Variants in RBM18 observed in about 807,000 individuals in gnomAD.
RBM18 encodes RNA binding motif protein 18, also known as probable RNA-binding protein 18.
RBM18 carries 18 observed loss-of-function variants against 26.4 expected under a neutral mutation model. The ratio of observed to expected loss-of-function variants is 0.68; its 90% CI spans 0.47 to 1.01. The LOEUF is 1.01. Among genes scored for constraint, RBM18 ranks in the 50% least tolerant of loss-of-function variants. The pLI is 0.00. For missense variants in RBM18, 180 were observed against 219.2 expected (o/e 0.82, Z 1.13); for synonymous variants, 74 against 81.1 (o/e 0.91, Z 0.47).
rs1358422689 is a variant in RBM18 at position 122,246,288 on chromosome 9, A to G, written c.328-947T>C. Among the ~76,000 whole-genome samples the G allele has an allele frequency of 7.2e-5, 11 of 152,338 alleles. No individual in the cohort carries two copies. The East Asian group carries it at 2.1e-3, about 29-fold the overall frequency. The stretch of plus-strand genomic sequence containing the variant: ...CTCCCAAAGTGCTGGGATTACAGGC[A>G]TGAGCCACCATGCCTAGCCAGATAA... On this transcript the variant is annotated intron_variant, in intron 4 of 5. Coordinates refer to ENST00000417201, the MANE Select transcript of RBM18 (RefSeq NM_033117.4).
intron 2 of RBM18, among the ~76,000 whole-genome samples, chr9:122,256,273 T>G (rs1249627219): frequency 6.6e-6 from 1 of 152,246 alleles, no homozygotes. Flanking sequence ...CATTTTCTAC[T>G]TAACACATAA....
chr9:122,245,195 G>T, intron 5 of RBM18, 61 bp downstream of exon 5: 1 of 947,504 alleles, frequency 1.1e-6, no homozygotes, highest in Non-Finnish European at 1.7e-6. Flanking sequence ...ACGAAGACAT[G>T]GAATAATGAA....
chr9:122,258,258 G>GTTCT lies in RBM18; in HGVS notation c.113+3118_113+3121dup, dbSNP rs111604544. Among the ~76,000 whole-genome samples, 555 of 152,002 alleles carry GTTCT rather than the reference G, an allele frequency of 3.7e-3. 2 individuals carry two copies. The highest frequency in any genetic ancestry group is 9.4e-3 in the South Asian group (45 of 4,810). On this transcript the variant is annotated intron_variant, in intron 2 of 5. Coordinates refer to ENST00000417201, the MANE Select transcript of RBM18 (RefSeq NM_033117.4). The stretch of plus-strand genomic sequence containing the variant: ...TGTTAACCATAAGCTATGATTGGTA[G>GTTCT]TTCTTTCTTTCTTTCTTTCTTTCTT...
At chr9:122,244,289 T>C (rs534767941) in intron 5 of RBM18, among the ~76,000 whole-genome samples, 1 of 152,314 alleles carries the variant, frequency 6.6e-6, no homozygotes, top group South Asian at 2.1e-4. Context: ...GTGCAGATAA[T>C]ATACAAGAAA....
intron 4 of RBM18, among the ~76,000 whole-genome samples, chr9:122,246,729 C>T (rs550768768): frequency 2.1e-4 from 32 of 152,152 alleles, no homozygotes; most frequent in African/African-American, 7.5e-4. Context: ...GGGTAGAGAG[C>T]CTCTGATCAA....
intron 3 of RBM18, among the ~76,000 whole-genome samples, chr9:122,251,596 T>G (rs1564456778): frequency 1.3e-5 from 2 of 152,206 alleles, no homozygotes; most frequent in African/African-American, 4.8e-5. Flanking sequence ...GATGTGGGCA[T>G]CCCAGTGCAT....
intron 1 of RBM18, among the ~76,000 whole-genome samples, chr9:122,262,445 T>G (rs1281890062): frequency 6.6e-6 from 1 of 152,222 alleles, no homozygotes; most frequent in Non-Finnish European, 1.5e-5. Context: ...CTTAAATTAT[T>G]ACTAGTCTTA....
intron 1 of RBM18, among the ~76,000 whole-genome samples, chr9:122,263,714 C>T (rs895929592): frequency 6.6e-6 from 1 of 152,170 alleles, no homozygotes; most frequent in Non-Finnish European, 1.5e-5. Context: ...AAGGAGATGA[C>T]ATTTGGGACT....
intron 2 of RBM18, among the ~76,000 whole-genome samples, chr9:122,258,826 T>C (rs1046696766): frequency 3.4e-5 from 5 of 147,964 alleles, no homozygotes; most frequent in Admixed American, 2.8e-4. Flanking sequence ...GGCGAGCACC[T>C]GTAGTCCCAG....
At chr9:122,250,874 A>C (rs939708009) in intron 3 of RBM18, among the ~76,000 whole-genome samples, 11 of 149,168 alleles carry the variant, frequency 7.4e-5, no homozygotes, top group Admixed American at 4.0e-4. Context: ...TTCACACATT[A>C]ATTTTATAAT....
Position 122,242,053 on chromosome 9 carries a change from T to C in RBM18, c.414-10A>G, listed in dbSNP as rs1457024223. 6.2e-7 allele frequency: 1 copy of C among 1,613,776 alleles called. No individual in the cohort carries two copies. The highest frequency in any genetic ancestry group is 8.5e-7 in the Non-Finnish European group (1 of 1,179,874). The stretch of plus-strand genomic sequence containing the variant: ...TATCTTTGCAGTGACACTGGAAAAA[T>C]AATAGCAGAGGATCAGAGTGGGCCT... On this transcript the variant is annotated splice_polypyrimidine_tract_variant and intron_variant, in intron 5 of 5. Coordinates refer to ENST00000417201, the MANE Select transcript of RBM18 (RefSeq NM_033117.4).
Position 122,241,046 on chromosome 9 carries a change from C to T in RBM18, c.*838G>A, listed in dbSNP as rs866683159. 6.6e-6 allele frequency: 1 copy of T among 152,138 alleles called. No homozygotes were observed. Among genetic ancestry groups the T allele is most frequent in the African/African-American group, 2.4e-5 (1 of 41,420 alleles). 9.4% of individuals were successfully genotyped at this position (152,138 alleles called of 1,614,324 possible). A position where few individuals can be genotyped will look rare whatever the true frequency, so the allele number is the denominator to read the frequency against. On this transcript the variant is annotated 3_prime_UTR_variant, in exon 6 of 6. Transcript: ENST00000417201. ...AGACTGACCATGATATAATTCCAAA[C>T]AGAACATTCTCATGCTATAAAAACA... is the stretch of plus-strand genomic sequence containing the variant.
At chr9:122,245,065 G>A (rs1375905454) in intron 5 of RBM18, among the ~76,000 whole-genome samples, 191 bp downstream of exon 5, 1 of 152,152 alleles carries the variant, frequency 6.6e-6, no homozygotes, top group Non-Finnish European at 1.5e-5. Flanking sequence ...TCTGTAAATG[G>A]GGAGTATATG....
Position 122,261,479 on chromosome 9 carries a change from G to A in RBM18, c.14C>T (p.Thr5Ile), listed in dbSNP as rs1238898726. ...TGCATTCTCCAGGGGAAGAGTTTTG[G>A]TTTCTGCTTCCATCAATGTCTATGA... is the stretch of plus-strand genomic sequence containing the variant. MEAE[T>I]KTLPLENASI... is the part of the protein sequence containing the mutation. The change falls in exon 2 of 6, where the codon ACC (threonine) becomes ATC (isoleucine). Residue 5 changes from threonine (T) to isoleucine (I), a missense_variant. Thr to Ile is a moderately conservative substitution (Grantham distance 89). Transcript: ENST00000417201. 6.2e-7 allele frequency: 1 copy of A among 1,613,282 alleles called. No individual in the cohort carries two copies. Among genetic ancestry groups the A allele is most frequent in the Admixed American group, 1.7e-5 (1 of 60,026 alleles).
intron 2 of RBM18, among the ~76,000 whole-genome samples, chr9:122,259,054 C>T (rs1831745044): frequency 6.6e-6 from 1 of 152,008 alleles, no homozygotes; most frequent in Non-Finnish European, 1.5e-5. Context: ...TAGTTTATTA[C>T]TTGATGTCTA....
At position 122,264,827 on chromosome 9, in the gene RBM18, C is replaced by T. The variant is rs1831945373; in HGVS notation, c.-129G>A. 6.6e-6 allele frequency: 1 copy of T among 152,498 alleles called. No individual in the cohort carries two copies. The highest frequency in any genetic ancestry group is 2.4e-5 in the African/African-American group (1 of 41,458). The allele number at this position is 152,498 out of a possible 1,614,324, so 9.4% of individuals were successfully genotyped here. A position where few individuals can be genotyped will look rare whatever the true frequency, so the allele number is the denominator to read the frequency against. On this transcript the variant is annotated 5_prime_UTR_variant, in exon 1 of 6. Transcript: ENST00000417201. ...TCAATGCCGCCAGCTGCCAGGCCGC[C>T]CGTGACGCGTTAAGCCTGCGCCGCC...
Position 122,241,754 on chromosome 9 carries a change from TTA to T in RBM18, c.*128_*129del. On this transcript the variant is annotated 3_prime_UTR_variant, in exon 6 of 6. Transcript: ENST00000417201. ...ACATCCATAAGAACATCCAAAAACATTATGTTACCAAATGCTAACATGTGATT... is the reference window on the plus strand; with the variant it reads ...ACATCCATAAGAACATCCAAAAACATTGTTACCAAATGCTAACATGTGATT... The T allele has an allele frequency of 2.7e-6, 2 of 747,694 alleles. No individual in the cohort carries two copies. The highest frequency in any genetic ancestry group is 2.6e-5 in the Admixed American group (1 of 37,748). 46.3% of individuals were successfully genotyped at this position (747,694 alleles called of 1,614,324 possible). A position where few individuals can be genotyped will look rare whatever the true frequency, so the allele number is the denominator to read the frequency against.
intron 3 of RBM18, among the ~76,000 whole-genome samples, chr9:122,251,093 ATTT>A (rs541756523): frequency 6.6e-6 from 1 of 151,538 alleles, no homozygotes; most frequent in Non-Finnish European, 1.5e-5. Context: ...AATTAAAAAA[ATTT>A]TTTTTAGAGA....
In RBM18 at chr9:122,241,966, G is replaced by A. The variant is rs1259551925; in HGVS notation, c.491C>T (p.Ala164Val). Reference protein sequence around the residue: ...AENPDAEYPAAPVYSYFKPPD... With the variant: ...AENPDAEYPAVPVYSYFKPPD... Reference sequence around the variant, plus strand: ...TGGCTTAAAGTAGGAATAAACAGGCGCTGCTGGATACTCTGCATCAGGATT... The same window carrying A: ...TGGCTTAAAGTAGGAATAAACAGGCACTGCTGGATACTCTGCATCAGGATT... Residue 164 changes from alanine to valine, a missense_variant, in exon 6 of 6, where the codon GCG becomes GTG. Coordinates refer to ENST00000417201, the MANE Select transcript of RBM18 (RefSeq NM_033117.4). 5.0e-6 allele frequency: 8 copies of A among 1,613,856 alleles called. No individual in the cohort carries two copies. The highest frequency in any genetic ancestry group is 2.2e-5 in the East Asian group (1 of 44,884).
Sources: allele counts gnomAD v4.1 joint callset (sites outside exome capture counted in the v4.1 genomes callset), GRCh38; gene constraint gnomAD v4.1.1; transcripts MANE v1.5; gene names NCBI Gene and HGNC (gene_info 2026-07-23, HGNC 2026-07-21).